KCNIP4: variants seen among roughly 807,000 people sequenced by gnomAD.
The protein encoded by KCNIP4 is potassium voltage-gated channel interacting protein 4, also known as Kv channel-interacting protein 4.
Under a neutral mutation model 34.0 loss-of-function variants are expected in KCNIP4, and 12 were observed. The observed-to-expected ratio is 0.35, with a 90% CI of 0.23 to 0.57. The LOEUF is 0.57. Among genes scored for constraint, KCNIP4 ranks in the 20% least tolerant of loss-of-function variants. KCNIP4 has a pLI of 0.83. For missense variants in KCNIP4, 238 were observed against 311.7 expected, an observed-to-expected ratio of 0.76 and a Z score of 1.78; for synonymous variants, 124 against 102.2, an observed-to-expected ratio of 1.21 and a Z score of -1.29.
chr4:21,279,485 T>TTA (rs368733787), intron 1 of KCNIP4, among the ~76,000 whole-genome samples: 7,896 of 147,702 alleles, frequency 0.053, 222 homozygotes, highest in African/African-American at 0.079. Flanking sequence ...ACTTTAAAGA[T>TTA]TATATATATA....
intron 1 of KCNIP4, among the ~76,000 whole-genome samples, chr4:21,344,874 T>C (rs1005780699): frequency 6.6e-6 from 1 of 152,178 alleles, no homozygotes; most frequent in East Asian, 1.9e-4. Flanking sequence ...TCTTCAAATA[T>C]TGACATACAC....
intron 1 of KCNIP4, among the ~76,000 whole-genome samples, chr4:20,954,904 C>T (rs547877230): frequency 4.7e-4 from 72 of 152,294 alleles, no homozygotes; most frequent in Non-Finnish European, 9.4e-4. Flanking sequence ...TCTGAATTGA[C>T]TCATCTTTTT....
At chr4:21,249,926 G>T (rs1232069868) in intron 1 of KCNIP4, among the ~76,000 whole-genome samples, 1 of 151,984 alleles carries the variant, frequency 6.6e-6, no homozygotes, top group Admixed American at 6.6e-5. Context: ...AAGCATAAAA[G>T]CTTCCCAATG....
rs531066366 is a variant in KCNIP4 at position 21,296,647 on chromosome 4, T to C, written c.62-413938A>G. Among the ~76,000 whole-genome samples, 26 of 151,990 alleles carry C rather than the reference T, an allele frequency of 1.7e-4. No individual in the cohort carries two copies. The South Asian group carries it at 5.2e-3, about 30-fold the overall frequency. ...CAAGGTGTATTCCAGCTGGGATTAT[T>C]ATTAAATCCAATTATTTTGGCTTCA... On this transcript the variant is annotated intron_variant, in intron 1 of 8. Transcript: ENST00000382152.
intron 1 of KCNIP4, among the ~76,000 whole-genome samples, chr4:21,576,165 G>T (rs1392293340): frequency 6.6e-6 from 1 of 152,126 alleles, no homozygotes; most frequent in African/African-American, 2.4e-5. Context: ...CTCAACATTT[G>T]TTTCTGCCCA....
At chr4:21,557,463 C>T (rs1335269513) in intron 1 of KCNIP4, among the ~76,000 whole-genome samples, 2 of 152,122 alleles carry the variant, frequency 1.3e-5, no homozygotes, top group Non-Finnish European at 2.9e-5. Context: ...ATGGATGAAC[C>T]TCATGACTTC....
At chr4:21,050,154 T>C (rs971325361) in intron 1 of KCNIP4, among the ~76,000 whole-genome samples, 3 of 152,208 alleles carry the variant, frequency 2.0e-5, no homozygotes, top group Admixed American at 1.3e-4. Flanking sequence ...TAATTGGCAA[T>C]GTCATGCAAA....
At chr4:21,074,607 T>G (rs573822795) in intron 1 of KCNIP4, among the ~76,000 whole-genome samples, 143 of 152,298 alleles carry the variant, frequency 9.4e-4, no homozygotes, top group African/African-American at 2.8e-3. Context: ...GTCATTGATT[T>G]TTTGAAGGGT....
chr4:21,935,865 A>T (rs887874822), intron 1 of KCNIP4, among the ~76,000 whole-genome samples: 1 of 152,012 alleles, frequency 6.6e-6, no homozygotes, highest in African/African-American at 2.4e-5. Context: ...CTGGTGATAT[A>T]GGTTCTCTTC....
At chr4:20,773,683 G>C (rs539830097) in intron 3 of KCNIP4, among the ~76,000 whole-genome samples, 4 of 152,338 alleles carry the variant, frequency 2.6e-5, no homozygotes, top group Admixed American at 2.0e-4. Context: ...CTTGGTGCCT[G>C]TCTGGGTAAA....
intron 1 of KCNIP4, among the ~76,000 whole-genome samples, chr4:21,492,231 TG>T (rs199736053): frequency 0.012 from 1,889 of 151,884 alleles, 36 homozygotes; most frequent in African/African-American, 0.043. Context: ...TATACTTTTT[TG>T]TTTTGAGACA....
At chr4:21,416,309 G>A (rs557549586) in intron 1 of KCNIP4, among the ~76,000 whole-genome samples, 24 of 152,192 alleles carry the variant, frequency 1.6e-4, no homozygotes, top group Non-Finnish European at 2.6e-4. Flanking sequence ...AGAGGGATTA[G>A]GAGGCATCTT....
intron 1 of KCNIP4, among the ~76,000 whole-genome samples, chr4:21,498,750 A>C (rs945371196): frequency 5.3e-5 from 8 of 152,222 alleles, no homozygotes; most frequent in Non-Finnish European, 7.3e-5. Context: ...TCAGTTTAGC[A>C]ACTTGGGACA....
chr4:20,783,416 A>C (rs1013416990), intron 3 of KCNIP4, among the ~76,000 whole-genome samples: 8 of 152,206 alleles, frequency 5.3e-5, no homozygotes, highest in African/African-American at 1.9e-4. Flanking sequence ...TGGACTTAAC[A>C]GTTCCACATG....
chr4:20,894,894 TAAG>T (rs750202503), intron 1 of KCNIP4, among the ~76,000 whole-genome samples: 1 of 152,160 alleles, frequency 6.6e-6, no homozygotes, highest in African/African-American at 2.4e-5. Flanking sequence ...CTAACAACAA[TAAG>T]AACAAAGAGA....
At chr4:21,766,323 T>C (rs1003785349) in intron 1 of KCNIP4, among the ~76,000 whole-genome samples, 1 of 152,136 alleles carries the variant, frequency 6.6e-6, no homozygotes, top group South Asian at 2.1e-4. Flanking sequence ...CAGTTTCCCT[T>C]ACCCACTTTA....
chr4:21,881,701 A>G (rs1013297109), intron 1 of KCNIP4, among the ~76,000 whole-genome samples: 1 of 152,182 alleles, frequency 6.6e-6, no homozygotes, highest in African/African-American at 2.4e-5. Context: ...CACAATGTAA[A>G]TAAAGGTCAT....
At chr4:20,948,768 C>T (rs1020488672) in intron 1 of KCNIP4, among the ~76,000 whole-genome samples, 7 of 151,862 alleles carry the variant, frequency 4.6e-5, no homozygotes, top group African/African-American at 9.7e-5. Flanking sequence ...TTGTTTTCTC[C>T]TATTATTAAA....
chr4:21,519,637 A>T lies in KCNIP4; in HGVS notation c.61+428934T>A, dbSNP rs146381100. On this transcript the variant is annotated intron_variant, in intron 1 of 8. Transcript: ENST00000382152. ...GTGTGTATGTATGTGTATATACACA[A>T]ATGTGTGTGTATGTATGTGTATATA... Among the ~76,000 whole-genome samples the T allele has an allele frequency of 3.0e-3, 231 of 76,254 alleles. 5 individuals carry two copies. The highest frequency in any genetic ancestry group is 3.8e-3 in the Non-Finnish European group (150 of 39,582). 50.0% of individuals were successfully genotyped at this position (76,254 alleles called of 152,430 possible). A position where few individuals can be genotyped will look rare whatever the true frequency, so the allele number is the denominator to read the frequency against.
Sources: gnomAD v4.1 joint callset for allele counts (sites outside exome capture counted in the v4.1 genomes callset) on GRCh38, gnomAD v4.1.1 for gene constraint, MANE v1.5 for transcripts, NCBI Gene and HGNC (gene_info 2026-07-23, HGNC 2026-07-21) for gene names.